CFI: variants seen among roughly 807,000 people sequenced by gnomAD.
The protein encoded by CFI is complement factor I.
A neutral mutation model predicts 78.8 loss-of-function variants in CFI; 66 were observed. The ratio of observed to expected loss-of-function variants is 0.84; its 90% confidence interval spans 0.69 to 1.03. CFI has a LOEUF of 1.03. Among genes scored for constraint, CFI ranks in the 50% least tolerant of loss-of-function variants. The probability of loss-of-function intolerance (pLI) is 0.00; values close to 1 mark genes in which losing one functional copy is unlikely to be tolerated. For synonymous variants in CFI, 250 were observed against 232.6 expected (o/e 1.07, Z -0.68); for missense variants, 706 against 704.5 (o/e 1.00, Z -0.02).
intron 6 of CFI, 45 bp from the exon 7 acceptor site, chr4:109,757,828 G>GA (rs1485628182): frequency 2.1e-5 from 28 of 1,347,072 alleles, no homozygotes; most frequent in Non-Finnish European, 2.7e-5. Flanking sequence ...ATAATTTTTG[G>GA]AAAAAATGCA....
intron 1 of CFI, among the ~76,000 whole-genome samples, chr4:109,778,511 T>C (rs1400827080): frequency 6.6e-6 from 1 of 151,210 alleles, no homozygotes; most frequent in Non-Finnish European, 1.5e-5. Flanking sequence ...CCAAAAAGAG[T>C]CCAGGACCAG....
At chr4:109,782,352 A>C (rs1181184364) in intron 1 of CFI, among the ~76,000 whole-genome samples, 1 of 151,822 alleles carries the variant, frequency 6.6e-6, no homozygotes, top group Non-Finnish European at 1.5e-5. Flanking sequence ...TAATGTACAC[A>C]AATCAATAGC....
At chr4:109,731,677 T>A in the CFI span, among the ~76,000 whole-genome samples, 1 of 152,122 alleles carries the variant, frequency 6.6e-6, no homozygotes, top group Non-Finnish European at 1.5e-5. Context: ...TGCACTTCAC[T>A]CAGCCCCTCA....
chr4:109,754,132 C>T (rs935022964), intron 7 of CFI, among the ~76,000 whole-genome samples: 1 of 151,388 alleles, frequency 6.6e-6, no homozygotes, highest in Non-Finnish European at 1.5e-5. Flanking sequence ...TACAGGTGTG[C>T]GTCACCATGC....
At chr4:109,758,814 C>T (rs571763759) in intron 6 of CFI, among the ~76,000 whole-genome samples, 4 of 152,278 alleles carry the variant, frequency 2.6e-5, no homozygotes, top group East Asian at 1.9e-4. Context: ...TGCCTAAGGC[C>T]GGGCACAGTG....
intron 7 of CFI, among the ~76,000 whole-genome samples, chr4:109,755,872 T>C (rs967272260): frequency 1.3e-5 from 2 of 152,120 alleles, no homozygotes; most frequent in African/African-American, 4.8e-5. Context: ...GGGCTGAAAG[T>C]CCATTACTGA....
chr4:109,764,381 T>G, intron 3 of CFI, 156 bp downstream of exon 3: 1 of 822,218 alleles, frequency 1.2e-6, no homozygotes, highest in Non-Finnish European at 2.0e-6. Flanking sequence ...TGGGTAAACA[T>G]GAATGCATAT....
At chr4:109,764,232 A>T (rs1560544112) in intron 3 of CFI, 1 of 421,582 alleles carries the variant, frequency 2.4e-6, no homozygotes, top group Non-Finnish European at 4.4e-6. Flanking sequence ...AAGTGTGAAA[A>T]AGTGTACATA....
At chr4:109,745,968 C>A (rs763164476) in intron 11 of CFI, among the ~76,000 whole-genome samples, 1 of 152,092 alleles carries the variant, frequency 6.6e-6, no homozygotes, top group Non-Finnish European at 1.5e-5. Flanking sequence ...TGGAATGGGG[C>A]CATTTCAAAA....
intron 8 of CFI, among the ~76,000 whole-genome samples, chr4:109,751,347 G>A (rs1003201720): frequency 6.7e-6 from 1 of 150,216 alleles, no homozygotes; most frequent in South Asian, 2.1e-4. Context: ...AACTTAGGTA[G>A]TATCTGAAAA....
intron 1 of CFI, among the ~76,000 whole-genome samples, chr4:109,768,085 G>A (rs1215447349): frequency 2.2e-5 from 3 of 136,202 alleles, no homozygotes; most frequent in South Asian, 4.7e-4. Context: ...TGAACAATGA[G>A]AACACATGGA....
chr4:109,769,304 G>A (rs1032702966), intron 1 of CFI, among the ~76,000 whole-genome samples: 4 of 152,162 alleles, frequency 2.6e-5, no homozygotes, highest in Admixed American at 2.0e-4. Flanking sequence ...TTTAGTTCCA[G>A]GAATAGTCAC....
intron 1 of CFI, among the ~76,000 whole-genome samples, chr4:109,797,621 C>T (rs1340878835): frequency 1.3e-5 from 2 of 152,136 alleles, no homozygotes; most frequent in Non-Finnish European, 2.9e-5. Flanking sequence ...AATGAAAAGA[C>T]AACATATACA....
chr4:109,771,242 A>T (rs1728546017), intron 1 of CFI, among the ~76,000 whole-genome samples: 1 of 151,926 alleles, frequency 6.6e-6, no homozygotes, highest in African/African-American at 2.4e-5. Context: ...ATACAAAAAA[A>T]ATAAAAAATA....
chr4:109,751,223 G>GT (rs1178352873), intron 8 of CFI, among the ~76,000 whole-genome samples: 4 of 151,786 alleles, frequency 2.6e-5, no homozygotes, highest in Non-Finnish European at 4.4e-5. Context: ...ATAGAAGATG[G>GT]TTTTTTTTGG....
chr4:109,764,469 T>C (rs1727472257), intron 3 of CFI, 68 bp downstream of exon 3: 2 of 1,527,952 alleles, frequency 1.3e-6, no homozygotes, highest in East Asian at 2.2e-5. Flanking sequence ...ACAGAAAGGT[T>C]AGGTAATCAA....
intron 1 of CFI, among the ~76,000 whole-genome samples, chr4:109,782,280 A>C (rs1730143221): frequency 6.6e-6 from 1 of 152,084 alleles, no homozygotes; most frequent in Non-Finnish European, 1.5e-5. Flanking sequence ...AAAACCCTAA[A>C]GACTCCTCCA....
chr4:109,771,714 C>CAA (rs149565381), intron 1 of CFI, among the ~76,000 whole-genome samples: 2,784 of 18,108 alleles, frequency 0.15, 811 homozygotes, highest in Non-Finnish European at 0.19. Flanking sequence ...ACTCCATCAC[C>CAA]AAAAAAAAAA....
At chr4:109,763,423 G>GA (rs1477023235) in intron 3 of CFI, among the ~76,000 whole-genome samples, 22 of 151,816 alleles carry the variant, frequency 1.4e-4, no homozygotes, top group Admixed American at 1.4e-3. Flanking sequence ...ATTATAAAAG[G>GA]AAAAAGGACA....
Sources: allele counts gnomAD v4.1 joint callset (sites outside exome capture counted in the v4.1 genomes callset), GRCh38; gene constraint gnomAD v4.1.1; transcripts MANE v1.5; gene names NCBI Gene and HGNC (gene_info 2026-07-23, HGNC 2026-07-21).